The following MBNL1 variants were observed in gnomAD, a reference collection of about 807,000 sequenced individuals.
MBNL1 encodes muscleblind like splicing regulator 1, also known as muscleblind-like protein 1.
A neutral mutation model predicts 42.2 loss-of-function variants in MBNL1; 8 were observed. The observed-to-expected ratio is 0.19, with a 90% CI of 0.11 to 0.34. The LOEUF (loss-of-function observed/expected upper bound fraction) is 0.34, where lower values mean the gene tolerates loss of function less well. Ranked by LOEUF, MBNL1 falls within the 10% of genes least tolerant of loss-of-function variation. The pLI is 1.00. For missense variants in MBNL1, 309 were observed against 495.3 expected, an observed-to-expected ratio of 0.62 and a Z score of 3.57; for synonymous variants, 169 against 173.9, an observed-to-expected ratio of 0.97 and a Z score of 0.22.
At chr3:152,408,253 A>G (rs1365524528) in intron 2 of MBNL1, among the ~76,000 whole-genome samples, 1 of 152,180 alleles carries the variant, frequency 6.6e-6, no homozygotes, top group East Asian at 1.9e-4. Flanking sequence ...GATATATACT[A>G]TGTATATTTA....
At chr3:152,336,789 A>G (rs140290681) in intron 2 of MBNL1, among the ~76,000 whole-genome samples, 249 of 152,310 alleles carry the variant, frequency 1.6e-3, no homozygotes, top group African/African-American at 5.5e-3. Context: ...AATTTTCCCA[A>G]CACAGGATAG....
intron 2 of MBNL1, among the ~76,000 whole-genome samples, chr3:152,409,821 G>T (rs2098523443): frequency 6.6e-6 from 1 of 152,096 alleles, no homozygotes; most frequent in South Asian, 2.1e-4. Flanking sequence ...TTTAGACTCT[G>T]ACTCCACAAA....
At chr3:152,275,949 A>G (rs964542959) in intron 1 of MBNL1, among the ~76,000 whole-genome samples, 1 of 152,086 alleles carries the variant, frequency 6.6e-6, no homozygotes, top group South Asian at 2.1e-4. Flanking sequence ...TTCATGCCCT[A>G]GTTTCTAAAT....
At chr3:152,317,950 G>A (rs2073241918) in intron 2 of MBNL1, among the ~76,000 whole-genome samples, 2 of 152,166 alleles carry the variant, frequency 1.3e-5, no homozygotes, top group Non-Finnish European at 1.5e-5. Context: ...GAATAGATTA[G>A]CCTATGTGAA....
rs546625985 is a variant in MBNL1, at chr3:152,382,582, T to G, written c.175-32359T>G. 3.9e-5 allele frequency among the ~76,000 whole-genome samples: 6 copies of G among 152,292 alleles called. No individual in the cohort carries two copies. The South Asian group carries it at 1.2e-3, about 32-fold the overall frequency. ...TCTTTTCATTATGATAGCACTTATT[T>G]CCAAGAATGCTTCTGAATATGTATC... On this transcript the variant is annotated intron_variant, in intron 2 of 9. Transcript: ENST00000324210.
intron 2 of MBNL1, among the ~76,000 whole-genome samples, chr3:152,309,404 A>G (rs913154968): frequency 6.6e-6 from 1 of 152,204 alleles, no homozygotes; most frequent in African/African-American, 2.4e-5. Context: ...TGAGGTTGAG[A>G]TCCAAGACCC....
intron 2 of MBNL1, among the ~76,000 whole-genome samples, chr3:152,357,376 G>A (rs1259423870): frequency 6.6e-6 from 1 of 152,182 alleles, no homozygotes; most frequent in Non-Finnish European, 1.5e-5. Flanking sequence ...TGTAGCATCT[G>A]CCATGATTAC....
At chr3:152,343,709 A>G (rs1223706513) in intron 2 of MBNL1, among the ~76,000 whole-genome samples, 1 of 152,120 alleles carries the variant, frequency 6.6e-6, no homozygotes, top group East Asian at 1.9e-4. Flanking sequence ...AACTCAGTAA[A>G]CTGAAACTGT....
intron 3 of MBNL1, among the ~76,000 whole-genome samples, chr3:152,430,718 C>T (rs1418671653): frequency 1.3e-5 from 2 of 152,172 alleles, no homozygotes; most frequent in African/African-American, 2.4e-5. Flanking sequence ...AAGTCAGCTG[C>T]GGCTCAGGGA....
chr3:152,306,816 G>A (rs1277945796), intron 2 of MBNL1, among the ~76,000 whole-genome samples: 1 of 152,036 alleles, frequency 6.6e-6, no homozygotes, highest in East Asian at 1.9e-4. Flanking sequence ...TAAGGGAGGT[G>A]GTTGAAGAGA....
intron 5 of MBNL1, chr3:152,446,774 C>G: frequency 6.2e-7 from 1 of 1,607,078 alleles, no homozygotes; most frequent in Non-Finnish European, 8.5e-7. Context: ...TGACCTTTCA[C>G]CTTTTAGCTT....
chr3:152,311,250 G>T (rs766730595), intron 2 of MBNL1, among the ~76,000 whole-genome samples: 4 of 151,934 alleles, frequency 2.6e-5, no homozygotes, highest in African/African-American at 4.8e-5. Flanking sequence ...CTCGTGATCC[G>T]TCTGCCTTGG....
At chr3:152,419,579 C>A (rs539790247) in intron 3 of MBNL1, among the ~76,000 whole-genome samples, 2 of 152,172 alleles carry the variant, frequency 1.3e-5, no homozygotes, top group African/African-American at 4.8e-5. Context: ...CTTCGCAAAC[C>A]GCAGACTAGG....
intron 2 of MBNL1, among the ~76,000 whole-genome samples, chr3:152,256,385 G>A (rs2035448754): frequency 6.6e-6 from 1 of 152,076 alleles, no homozygotes; most frequent in Admixed American, 6.6e-5. Flanking sequence ...TTTCTGCATG[G>A]ATGAAGCAGA....
At chr3:152,401,751 C>T (rs1045037632) in intron 2 of MBNL1, among the ~76,000 whole-genome samples, 2 of 152,038 alleles carry the variant, frequency 1.3e-5, no homozygotes, top group East Asian at 1.9e-4. Flanking sequence ...TGCGGCTGGA[C>T]GTGGTGGCTC....
At chr3:152,284,146 T>A (rs1001205694) in intron 1 of MBNL1, among the ~76,000 whole-genome samples, 1 of 152,166 alleles carries the variant, frequency 6.6e-6, no homozygotes, top group Admixed American at 6.5e-5. Flanking sequence ...TATATATTGT[T>A]AATGAATATA....
chr3:152,455,846 A>G (rs1732574358), intron 7 of MBNL1, among the ~76,000 whole-genome samples: 1 of 152,240 alleles, frequency 6.6e-6, no homozygotes, highest in African/African-American at 2.4e-5. Context: ...TCATAAAAGT[A>G]ATATACTGTA....
At chr3:152,262,882 T>C (rs1470003903) in intron 2 of MBNL1, 2 of 152,262 alleles carry the variant, frequency 1.3e-5, no homozygotes, top group Non-Finnish European at 2.9e-5. Flanking sequence ...GTATTCTATA[T>C]TTATTTTTAT....
intron 2 of MBNL1, among the ~76,000 whole-genome samples, chr3:152,349,640 C>CT (rs1163855571): frequency 6.6e-6 from 1 of 151,972 alleles, no homozygotes; most frequent in Non-Finnish European, 1.5e-5. Context: ...TATTTAGTTC[C>CT]TTTTTTTCAT....
Sources: allele counts gnomAD v4.1 joint callset (sites outside exome capture counted in the v4.1 genomes callset), GRCh38; gene constraint gnomAD v4.1.1; transcripts MANE v1.5; gene names NCBI Gene and HGNC (gene_info 2026-07-23, HGNC 2026-07-21).